BCKDHB: variants seen among roughly 807,000 people sequenced by gnomAD.
BCKDHB encodes the protein 2-oxoisovalerate dehydrogenase subunit beta, mitochondrial.
In BCKDHB, 41 loss-of-function variants were observed where a neutral mutation model predicts 48.5. The ratio of observed to expected loss-of-function variants is 0.85; its 90% confidence interval spans 0.66 to 1.10. The LOEUF is 1.10. BCKDHB is among the 50% of genes least tolerant of loss of function. The probability of loss-of-function intolerance (pLI) is 0.00; values close to 1 mark genes in which losing one functional copy is unlikely to be tolerated. For synonymous variants in BCKDHB, 201 were observed against 174.8 expected (o/e 1.15, Z -1.18); for missense variants, 496 against 494.2 (o/e 1.00, Z -0.03).
intron 9 of BCKDHB, among the ~76,000 whole-genome samples, chr6:80,336,789 G>A (rs1261378164): frequency 1.3e-5 from 2 of 151,986 alleles, no homozygotes; most frequent in African/African-American, 2.4e-5. Context: ...ATCAATGAGT[G>A]TTTGTTCTGT....
chr6:80,178,382 C>A (rs992521603), intron 6 of BCKDHB, among the ~76,000 whole-genome samples: 4 of 152,160 alleles, frequency 2.6e-5, no homozygotes, highest in African/African-American at 4.8e-5. Flanking sequence ...ATAATCTTGG[C>A]TAGAGAAGAG....
At chr6:80,125,090 C>A (rs938204698) in intron 1 of BCKDHB, among the ~76,000 whole-genome samples, 2 of 152,180 alleles carry the variant, frequency 1.3e-5, no homozygotes, top group African/African-American at 4.8e-5. Context: ...TTTAGTATAG[C>A]CACCTTCATC....
intron 8 of BCKDHB, among the ~76,000 whole-genome samples, chr6:80,210,315 A>G (rs1774864091): frequency 6.6e-6 from 1 of 152,140 alleles, no homozygotes. Flanking sequence ...CATCTCATAA[A>G]CACAAAGAAG....
intron 8 of BCKDHB, among the ~76,000 whole-genome samples, chr6:80,259,596 G>A (rs530946046): frequency 6.6e-6 from 1 of 152,198 alleles, no homozygotes; most frequent in African/African-American, 2.4e-5. Flanking sequence ...ATTTTTCTTT[G>A]AGACAGATTT....
At chr6:80,365,023 G>A in the BCKDHB span, among the ~76,000 whole-genome samples, 1 of 152,116 alleles carries the variant, frequency 6.6e-6, no homozygotes. Context: ...CAAAAGGGGA[G>A]GGGGTATAAG....
the BCKDHB span, among the ~76,000 whole-genome samples, chr6:80,394,712 G>A: frequency 3.8e-4 from 58 of 152,256 alleles, no homozygotes; most frequent in Non-Finnish European, 3.5e-4. Flanking sequence ...CTACAGGTCT[G>A]CTTTTGGGCC....
intron 8 of BCKDHB, among the ~76,000 whole-genome samples, chr6:80,212,898 C>T (rs1775004594): frequency 1.3e-5 from 2 of 152,140 alleles, no homozygotes; most frequent in South Asian, 4.1e-4. Flanking sequence ...TTCCTCTTCT[C>T]TGTAGTGATT....
the BCKDHB span, among the ~76,000 whole-genome samples, chr6:80,462,138 G>A: frequency 9.9e-5 from 15 of 152,124 alleles, no homozygotes; most frequent in Admixed American, 8.5e-4. Flanking sequence ...AACACATATT[G>A]TCTCTTTTCA....
intron 9 of BCKDHB, among the ~76,000 whole-genome samples, chr6:80,297,838 A>G (rs1767335890): frequency 1.3e-5 from 2 of 152,212 alleles, no homozygotes; most frequent in African/African-American, 4.8e-5. Flanking sequence ...AAGCTCTCTC[A>G]TAATGTGAAG....
the BCKDHB span, among the ~76,000 whole-genome samples, chr6:80,442,760 C>T: frequency 6.6e-6 from 1 of 152,112 alleles, no homozygotes; most frequent in Non-Finnish European, 1.5e-5. Flanking sequence ...ATATGGAATT[C>T]CAAGAACCAG....
downstream of BCKDHB, among the ~76,000 whole-genome samples, chr6:80,348,204 C>T (rs1220484329): frequency 2.1e-5 from 3 of 145,530 alleles, no homozygotes; most frequent in African/African-American, 8.1e-5. Context: ...ACTAAAAGTT[C>T]TGTGTATATT....
chr6:80,314,372 C>T (rs979731676), intron 9 of BCKDHB, among the ~76,000 whole-genome samples: 61 of 152,168 alleles, frequency 4.0e-4, no homozygotes, highest in Admixed American at 3.3e-4. Context: ...CTGAGGACCC[C>T]TTTTGTCCCT....
At chr6:80,251,551 A>G (rs1216296486) in intron 8 of BCKDHB, among the ~76,000 whole-genome samples, 6 of 152,224 alleles carry the variant, frequency 3.9e-5, no homozygotes, top group Non-Finnish European at 7.3e-5. Context: ...TTCTGTGCTT[A>G]GAATTCATCC....
chr6:80,396,677 T>G, the BCKDHB span, among the ~76,000 whole-genome samples: 1 of 152,210 alleles, frequency 6.6e-6, no homozygotes, highest in Non-Finnish European at 1.5e-5. Context: ...CAGCTGTTCT[T>G]GTGATAGTCA....
At chr6:80,295,379 AAG>A (rs1490313941) in intron 9 of BCKDHB, among the ~76,000 whole-genome samples, 25 of 152,260 alleles carry the variant, frequency 1.6e-4, no homozygotes, top group African/African-American at 4.1e-4. Context: ...GGTGGCAGAC[AAG>A]AGAGAGTGTG....
the BCKDHB span, among the ~76,000 whole-genome samples, chr6:80,420,686 C>A: frequency 6.6e-6 from 1 of 152,148 alleles, no homozygotes; most frequent in East Asian, 1.9e-4. Context: ...AGCTGTTGAG[C>A]ATTGTGCAGG....
At chr6:80,423,064 G>A in the BCKDHB span, among the ~76,000 whole-genome samples, 5 of 152,176 alleles carry the variant, frequency 3.3e-5, no homozygotes, top group East Asian at 1.9e-4. Flanking sequence ...ATCCCCACAT[G>A]TCGAGGGAGA....
chr6:80,368,620 C>T, the BCKDHB span, among the ~76,000 whole-genome samples: 3 of 152,112 alleles, frequency 2.0e-5, no homozygotes, highest in Non-Finnish European at 2.9e-5. Context: ...GAGTAGATTT[C>T]ATCTACATAT....
At chr6:80,137,923 C>CA (rs1376754734) in intron 3 of BCKDHB, among the ~76,000 whole-genome samples, 1 of 149,992 alleles carries the variant, frequency 6.7e-6, no homozygotes, top group African/African-American at 2.5e-5. Context: ...CCCACCCCTA[C>CA]AAAAAATTAA....
Sources: allele counts gnomAD v4.1 joint callset (sites outside exome capture counted in the v4.1 genomes callset), GRCh38; gene constraint gnomAD v4.1.1; transcripts MANE v1.5; gene names NCBI Gene and HGNC (gene_info 2026-07-23, HGNC 2026-07-21).